OR8J1: variants seen among roughly 807,000 people sequenced by gnomAD.
The protein encoded by OR8J1 is olfactory receptor 8J1.
For missense variants in OR8J1, 400 were observed against 373.0 expected, an observed-to-expected ratio of 1.07 and a Z score of -0.60; for synonymous variants, 157 against 144.3, an observed-to-expected ratio of 1.09 and a Z score of -0.63.
intron 1 of OR8J1, among the ~76,000 whole-genome samples, chr11:56,355,456 C>A (rs969614835): frequency 1.3e-5 from 2 of 151,780 alleles, no homozygotes; most frequent in Non-Finnish European, 2.9e-5. Context: ...GTCAACACCC[C>A]GTCTCTACTA....
At chr11:56,355,266 A>AATAT (rs142666884) in intron 1 of OR8J1, among the ~76,000 whole-genome samples, 8 of 149,760 alleles carry the variant, frequency 5.3e-5, no homozygotes, top group East Asian at 1.9e-4. Flanking sequence ...ATAGGGAATA[A>AATAT]ATATATATAT....
chr11:56,357,696 G>A (rs1324276995), intron 1 of OR8J1: 4 of 1,585,110 alleles, frequency 2.5e-6, no homozygotes, highest in Admixed American at 1.7e-5. Flanking sequence ...CCAAGTGGAG[G>A]CGACTAGTGA....
intron 1 of OR8J1, 99 bp from the exon 2 acceptor site, chr11:56,360,128 C>T: frequency 1.4e-6 from 1 of 739,402 alleles, no homozygotes; most frequent in Non-Finnish European, 2.1e-6. Flanking sequence ...GAGTAATAAA[C>T]AATTCAAAGA....
At chr11:56,354,743 G>A (rs1212516200) in intron 1 of OR8J1, among the ~76,000 whole-genome samples, 2 of 152,116 alleles carry the variant, frequency 1.3e-5, no homozygotes, top group African/African-American at 2.4e-5. Flanking sequence ...CCCTTTTTGA[G>A]AATACAAGTT....
Position 56,356,049 on chromosome 11 carries a change from A to G in OR8J1, c.-21+1724A>G, listed in dbSNP as rs975490752. ...AAAAGTCATGTGAATCTGATGATAAATGAGGTAAAAGCATATTTCAATTAT... is the reference window on the plus strand; with the variant it reads ...AAAAGTCATGTGAATCTGATGATAAGTGAGGTAAAAGCATATTTCAATTAT... On this transcript the variant is annotated intron_variant, in intron 1 of 1. Transcript: ENST00000533152. 3.3e-5 allele frequency among the ~76,000 whole-genome samples: 5 copies of G among 152,218 alleles called. No homozygotes were observed. In the East Asian group the frequency reaches 9.6e-4, roughly 29 times the overall value.
chr11:56,357,717 G>C (rs1854989269), intron 1 of OR8J1: 4 of 1,583,158 alleles, frequency 2.5e-6, no homozygotes, highest in Non-Finnish European at 3.4e-6. Flanking sequence ...TGAATACAAT[G>C]TGGAAAGCAT....
chr11:56,360,120 G>T, intron 1 of OR8J1, 107 bp from the exon 2 acceptor site: 1 of 686,484 alleles, frequency 1.5e-6, no homozygotes, highest in Non-Finnish European at 2.3e-6. Flanking sequence ...CTGAGTTAGA[G>T]TAATAAACAA....
In OR8J1 at chr11:56,360,894, A is replaced by G. The variant is rs1170783828; in HGVS notation, c.648A>G (p.Val216=). 1 of 1,497,252 alleles carries G rather than the reference A, an allele frequency of 6.7e-7. No individual in the cohort carries two copies. The highest frequency in any genetic ancestry group is 2.3e-5 in the East Asian group (1 of 42,626). The allele number at this position is 1,497,252 out of a possible 1,614,324, so 92.7% of individuals were successfully genotyped here. A position where few individuals can be genotyped will look rare whatever the true frequency, so the allele number is the denominator to read the frequency against. ...NVVGSLIIVL[V]SYFNIVLSIL... ...TTGGTTCCTTGATTATAGTTCTAGT[A>G]TCTTATTTCAATATTGTTTTGTCTA... The change falls in exon 2 of 2, where the codon GTA becomes GTG. Residue 216 remains valine, a synonymous_variant. Coordinates refer to ENST00000533152, the MANE Select transcript of OR8J1 (RefSeq NM_001005205.3).
chr11:56,357,170 A>G (rs1162814239), intron 1 of OR8J1, among the ~76,000 whole-genome samples: 3 of 152,056 alleles, frequency 2.0e-5, no homozygotes, highest in Non-Finnish European at 2.9e-5. Flanking sequence ...AGCTTTTTCA[A>G]TCCTATAATT....
At chr11:56,354,610 C>T (rs1352914744) in intron 1 of OR8J1, among the ~76,000 whole-genome samples, 1 of 152,216 alleles carries the variant, frequency 6.6e-6, no homozygotes, top group East Asian at 1.9e-4. Context: ...AATTGCTGCT[C>T]ATAGAGACTG....
chr11:56,355,633 C>G (rs80279577), intron 1 of OR8J1, among the ~76,000 whole-genome samples: 8,604 of 152,002 alleles, frequency 0.057, 362 homozygotes, highest in Non-Finnish European at 0.083. Flanking sequence ...GTCTCAAAAA[C>G]AAACAAACAA....
chr11:56,361,128 G>C lies in OR8J1; in HGVS notation c.882G>C (p.Arg294Ser), dbSNP rs759451788. The C allele has an allele frequency of 6.7e-7, 1 of 1,483,854 alleles. No homozygotes were observed. Among genetic ancestry groups the C allele is most frequent in the South Asian group, 1.6e-5 (1 of 63,338 alleles). 91.9% of individuals were successfully genotyped at this position (1,483,854 alleles called of 1,614,324 possible). Reference protein sequence around the residue: ...PMLNPLIYSLRNKDVKTALQR... With the variant: ...PMLNPLIYSLSNKDVKTALQR... Reference sequence around the variant, plus strand: ...TGAATCCCTTGATCTACAGCCTGAGGAATAAGGATGTGAAGACTGCTCTAC... The same window carrying C: ...TGAATCCCTTGATCTACAGCCTGAGCAATAAGGATGTGAAGACTGCTCTAC... The change falls in exon 2 of 2, where the codon AGG becomes AGC. Residue 294 changes from arginine to serine, a missense_variant. Coordinates refer to ENST00000533152, the MANE Select transcript of OR8J1 (RefSeq NM_001005205.3).
chr11:56,360,146 T>C, intron 1 of OR8J1, 81 bp from the exon 2 acceptor site: 2 of 860,922 alleles, frequency 2.3e-6, no homozygotes, highest in Non-Finnish European at 3.5e-6. Context: ...AGAAATGTTA[T>C]CAGGGAATTG....
intron 1 of OR8J1, among the ~76,000 whole-genome samples, chr11:56,359,873 A>T (rs1024229051): frequency 2.0e-5 from 3 of 152,174 alleles, no homozygotes; most frequent in South Asian, 4.1e-4. Context: ...ACATAAAATG[A>T]CCTCAAGCCT....
At chr11:56,354,799 T>C (rs887629301) in intron 1 of OR8J1, among the ~76,000 whole-genome samples, 2 of 152,194 alleles carry the variant, frequency 1.3e-5, no homozygotes, top group African/African-American at 4.8e-5. Context: ...AATGTGGTAA[T>C]GTACAAGCAA....
chr11:56,359,402 C>G (rs1359101054), intron 1 of OR8J1, among the ~76,000 whole-genome samples: 1 of 151,546 alleles, frequency 6.6e-6, no homozygotes, highest in Non-Finnish European at 1.5e-5. Context: ...AGCAGATATA[C>G]TTTATAAGTG....
chr11:56,360,365 C>A lies in OR8J1; in HGVS notation c.119C>A (p.Ala40Glu), dbSNP rs1852617054. ...VFLVLYGLTM[A>E]GNLGIITLTS... is the part of the protein sequence containing the mutation. ...CTGGTGCTCTATGGGCTGACCATGG[C>A]AGGGAACCTGGGCATCATCACCCTC... is the stretch of plus-strand genomic sequence containing the variant. The change falls in exon 2 of 2, where the codon GCA becomes GAA. Residue 40 changes from alanine to glutamate, a missense_variant. Physicochemically the swap from Ala to Glu is moderately radical, Grantham distance 107. Transcript: ENST00000533152. 6.2e-7 allele frequency: 1 copy of A among 1,614,018 alleles called. No individual in the cohort carries two copies. Among genetic ancestry groups the A allele is most frequent in the Non-Finnish European group, 8.5e-7 (1 of 1,180,020 alleles).
At chr11:56,357,550 G>A (rs555027786) in intron 1 of OR8J1, 30 of 878,408 alleles carry the variant, frequency 3.4e-5, no homozygotes, top group South Asian at 7.8e-5. Flanking sequence ...GTGATAGTCC[G>A]CGCGGCACAT....
intron 1 of OR8J1, among the ~76,000 whole-genome samples, chr11:56,359,792 A>T (rs938989768): frequency 6.6e-6 from 1 of 152,190 alleles, no homozygotes; most frequent in Non-Finnish European, 1.5e-5. Context: ...ATGGGTTAGG[A>T]TAGTACCTAG....
Sources: allele counts gnomAD v4.1 joint callset (sites outside exome capture counted in the v4.1 genomes callset), GRCh38; gene constraint gnomAD v4.1.1; transcripts MANE v1.5; gene names NCBI Gene and HGNC (gene_info 2026-07-23, HGNC 2026-07-21).